The following EIF2B3 variants were observed in gnomAD, a reference collection of about 807,000 sequenced individuals.
EIF2B3 encodes eukaryotic translation initiation factor 2B subunit gamma.
A neutral mutation model predicts 54.1 loss-of-function variants in EIF2B3; 20 were observed. That is an observed-to-expected ratio of 0.37 (90% CI 0.26 to 0.54). The LOEUF (loss-of-function observed/expected upper bound fraction) is 0.54, where lower values mean the gene tolerates loss of function less well. EIF2B3 is among the 20% of genes least tolerant of loss of function. The pLI is 0.86. For synonymous variants in EIF2B3, 153 were observed against 188.1 expected (o/e 0.81, Z 1.52); for missense variants, 448 against 547.8 (o/e 0.82, Z 1.82).
intron 6 of EIF2B3, among the ~76,000 whole-genome samples, chr1:44,895,406 C>T (rs115365061): frequency 0.077 from 11,715 of 152,056 alleles, 1,553 homozygotes; most frequent in African/African-American, 0.27. Context: ...AAACTGCCTG[C>T]ATATACAGAC....
At chr1:44,909,076 C>T (rs1459500376) in intron 5 of EIF2B3, among the ~76,000 whole-genome samples, 2 of 152,030 alleles carry the variant, frequency 1.3e-5, no homozygotes, top group Non-Finnish European at 2.9e-5. Context: ...AATATTTCTC[C>T]TAAAGACTTT....
intron 3 of EIF2B3, chr1:44,958,844 G>C: frequency 1.1e-6 from 1 of 951,302 alleles, no homozygotes; most frequent in Non-Finnish European, 1.7e-6. Flanking sequence ...TGGGCTTCTG[G>C]ACATATCAGG....
chr1:44,935,986 A>G (rs1643942908), intron 4 of EIF2B3, among the ~76,000 whole-genome samples: 1 of 147,048 alleles, frequency 6.8e-6, no homozygotes, highest in Admixed American at 6.9e-5. Flanking sequence ...CTAGTTCAGG[A>G]GTTGGCATAA....
At chr1:44,923,805 C>T (rs1460032318) in intron 5 of EIF2B3, among the ~76,000 whole-genome samples, 1 of 151,212 alleles carries the variant, frequency 6.6e-6, no homozygotes, top group Non-Finnish European at 1.5e-5. Context: ...TTCTCTCTTT[C>T]TTTCTTTCAT....
intron 6 of EIF2B3, among the ~76,000 whole-genome samples, chr1:44,891,594 G>T (rs1569636696): frequency 6.6e-6 from 1 of 152,156 alleles, no homozygotes; most frequent in Non-Finnish European, 1.5e-5. Flanking sequence ...GGGGTAGGGG[G>T]ATAGAATGAG....
rs374466099 is a variant in EIF2B3, at chr1:44,850,980, C to T, written c.1330G>A (p.Val444Met). 44 of 1,613,980 alleles carry T rather than the reference C, an allele frequency of 2.7e-5. No individual in the cohort carries two copies. Among genetic ancestry groups the T allele is most frequent in the Non-Finnish European group, 3.0e-5 (35 of 1,180,038 alleles). The change falls in exon 12 of 12, where the codon GTG (valine) becomes ATG (methionine). Residue 444 changes from valine (V) to methionine (M), a missense_variant. Val to Met is a conservative substitution (Grantham distance 21). This residue lies in a region of EIF2B3 where 350 missense variants were observed against 414.2 expected (regional missense o/e 0.85). Transcript: ENST00000360403. ...ATCTCCATGAGCTGGTCATTCCCCA[C>T]GATCACCTCATTCACTCGTTTAGCT... The part of the protein sequence containing the change: ...AKAKRVNEVI[V>M]GNDQLMEI
intron 1 of EIF2B3, among the ~76,000 whole-genome samples, chr1:44,985,265 G>C (rs1007726377): frequency 6.6e-6 from 1 of 152,140 alleles, no homozygotes. Flanking sequence ...CTTGTGTCTA[G>C]TAATCACCTA....
intron 3 of EIF2B3, chr1:44,958,858 A>C: frequency 3.3e-6 from 3 of 896,494 alleles, no homozygotes; most frequent in South Asian, 1.3e-5. Context: ...TATCAGGTAC[A>C]TCAGGAACAT....
intron 5 of EIF2B3, among the ~76,000 whole-genome samples, chr1:44,901,464 T>C (rs540000469): frequency 6.6e-6 from 1 of 151,406 alleles, no homozygotes; most frequent in East Asian, 2.0e-4. Flanking sequence ...TTGCCCAGGC[T>C]CTTCTCAAAC....
chr1:44,882,768 C>T (rs1275413878), intron 6 of EIF2B3, among the ~76,000 whole-genome samples: 6 of 151,934 alleles, frequency 3.9e-5, no homozygotes, highest in Non-Finnish European at 8.8e-5. Flanking sequence ...GCACATGCCA[C>T]AATGCCTGGC....
intron 3 of EIF2B3, among the ~76,000 whole-genome samples, chr1:44,951,604 A>C (rs918999539): frequency 2.0e-5 from 3 of 152,180 alleles, no homozygotes; most frequent in African/African-American, 7.2e-5. Context: ...GAACCCAAGA[A>C]GCTAAACATG....
intron 5 of EIF2B3, among the ~76,000 whole-genome samples, chr1:44,918,383 T>C (rs558113654): frequency 5.1e-4 from 76 of 150,358 alleles, no homozygotes; most frequent in Middle Eastern, 7.4e-3. Context: ...TGCCCAGCAA[T>C]AGCATAGTAG....
intron 4 of EIF2B3, among the ~76,000 whole-genome samples, chr1:44,934,397 C>G (rs983613563): frequency 6.8e-6 from 1 of 146,382 alleles, no homozygotes; most frequent in African/African-American, 2.5e-5. Context: ...GACTCTGTCT[C>G]AAAAAACAAA....
chr1:44,915,661 G>A (rs1643606712), intron 5 of EIF2B3, among the ~76,000 whole-genome samples: 1 of 151,976 alleles, frequency 6.6e-6, no homozygotes, highest in Non-Finnish European at 1.5e-5. Flanking sequence ...ACTGTGCCTG[G>A]CTTTAATTCT....
At chr1:44,951,057 G>A (rs1486266024) in intron 3 of EIF2B3, among the ~76,000 whole-genome samples, 1 of 152,140 alleles carries the variant, frequency 6.6e-6, no homozygotes, top group Non-Finnish European at 1.5e-5. Flanking sequence ...AATTACTTCA[G>A]TGACTTTAAC....
intron 6 of EIF2B3, among the ~76,000 whole-genome samples, chr1:44,894,693 T>C (rs1655906803): frequency 6.6e-6 from 1 of 152,146 alleles, no homozygotes; most frequent in Non-Finnish European, 1.5e-5. Flanking sequence ...CTTGAAGCTG[T>C]GTCTCCTAGG....
chr1:44,877,058 C>G (rs942096767), intron 8 of EIF2B3, among the ~76,000 whole-genome samples: 1 of 150,668 alleles, frequency 6.6e-6, no homozygotes, highest in Admixed American at 6.6e-5. Context: ...ACAAACGCTG[C>G]GGAAGGCCAC....
intron 3 of EIF2B3, among the ~76,000 whole-genome samples, chr1:44,962,877 C>G (rs1382336091): frequency 6.6e-6 from 1 of 152,134 alleles, no homozygotes; most frequent in Non-Finnish European, 1.5e-5. Flanking sequence ...AGTATAGCAA[C>G]AATATGACAG....
chr1:44,930,398 G>A (rs1643886705), intron 4 of EIF2B3, among the ~76,000 whole-genome samples: 1 of 152,236 alleles, frequency 6.6e-6, no homozygotes, highest in African/African-American at 2.4e-5. Flanking sequence ...CCAAAGGTAA[G>A]GTTAGTTCCC....
Sources: gnomAD v4.1 joint callset for allele counts (sites outside exome capture counted in the v4.1 genomes callset) on GRCh38, gnomAD v4.1.1 for gene constraint, gnomAD v4.1.1 regional missense constraint, MANE v1.5 for transcripts, NCBI Gene and HGNC (gene_info 2026-07-23, HGNC 2026-07-21) for gene names.